The following NKAIN2 variants were observed in gnomAD, a reference collection of about 807,000 sequenced individuals.
The protein encoded by NKAIN2 is sodium/potassium-transporting ATPase subunit beta-1-interacting protein 2.
Under a neutral mutation model 32.6 loss-of-function variants are expected in NKAIN2, and 14 were observed. The observed-to-expected ratio is 0.43, with a 90% CI of 0.28 to 0.67. NKAIN2 has a LOEUF of 0.67. Among genes scored for constraint, NKAIN2 ranks in the 30% least tolerant of loss-of-function variants. The probability of loss-of-function intolerance (pLI) is 0.17; values close to 1 mark genes in which losing one functional copy is unlikely to be tolerated. For synonymous variants in NKAIN2, 80 were observed against 87.2 expected (o/e 0.92, Z 0.46); for missense variants, 198 against 258.3 (o/e 0.77, Z 1.60).
intron 4 of NKAIN2, among the ~76,000 whole-genome samples, chr6:124,720,352 AGTT>A (rs1775954087): frequency 6.6e-6 from 1 of 152,154 alleles, no homozygotes; most frequent in African/African-American, 2.4e-5. Context: ...TTGACAAGTT[AGTT>A]GTTGTTTTTA....
At chr6:124,747,925 T>G (rs1268850607) in intron 4 of NKAIN2, among the ~76,000 whole-genome samples, 1 of 151,962 alleles carries the variant, frequency 6.6e-6, no homozygotes, top group Non-Finnish European at 1.5e-5. Context: ...GCACTTCTTT[T>G]AAATGTTACA....
At chr6:124,180,087 C>A (rs1361186659) in intron 1 of NKAIN2, among the ~76,000 whole-genome samples, 1 of 151,834 alleles carries the variant, frequency 6.6e-6, no homozygotes, top group Admixed American at 6.6e-5. Context: ...GATAGGTAGG[C>A]ATGTAAGCAA....
At chr6:124,624,178 G>A (rs1422232004) in intron 3 of NKAIN2, among the ~76,000 whole-genome samples, 2 of 152,206 alleles carry the variant, frequency 1.3e-5, no homozygotes, top group African/African-American at 4.8e-5. Context: ...TAAGGGATCA[G>A]AAGTAATCAG....
intron 3 of NKAIN2, chr6:124,490,416 T>A: frequency 4.9e-6 from 2 of 410,926 alleles, no homozygotes; most frequent in South Asian, 1.8e-5. Context: ...ATAGAGGTTT[T>A]TTTTTTTTTT....
At chr6:124,262,826 GTA>G (rs955820979) in intron 1 of NKAIN2, among the ~76,000 whole-genome samples, 3 of 152,134 alleles carry the variant, frequency 2.0e-5, no homozygotes, top group Admixed American at 6.6e-5. Flanking sequence ...CTCACATTGT[GTA>G]TTGCTGTGGT....
At chr6:124,409,030 TG>T (rs1463184096) in intron 3 of NKAIN2, among the ~76,000 whole-genome samples, 1 of 152,226 alleles carries the variant, frequency 6.6e-6, no homozygotes, top group African/African-American at 2.4e-5. Flanking sequence ...TTGTGATTTT[TG>T]CACATTCATT....
chr6:124,769,375 C>T (rs1306248308), intron 4 of NKAIN2, among the ~76,000 whole-genome samples: 1 of 152,108 alleles, frequency 6.6e-6, no homozygotes. Flanking sequence ...TTCTCCAGAA[C>T]AGAAGTCACA....
At chr6:124,061,642 G>T (rs1449153313) in intron 1 of NKAIN2, among the ~76,000 whole-genome samples, 1 of 151,848 alleles carries the variant, frequency 6.6e-6, no homozygotes, top group Non-Finnish European at 1.5e-5. Context: ...AATTTTTAAA[G>T]GTGATTTAAA....
At chr6:124,222,195 G>T (rs187262875) in intron 1 of NKAIN2, among the ~76,000 whole-genome samples, 149 of 152,272 alleles carry the variant, frequency 9.8e-4, no homozygotes, top group African/African-American at 3.0e-3. Context: ...ATGTTAAGGG[G>T]TGAATTTCTT....
chr6:124,073,340 C>T (rs1352021857), intron 1 of NKAIN2, among the ~76,000 whole-genome samples: 1 of 152,114 alleles, frequency 6.6e-6, no homozygotes, highest in African/African-American at 2.4e-5. Context: ...TTATACGTGG[C>T]CAAAGTTCAG....
At chr6:124,254,087 G>A (rs1293174403) in intron 1 of NKAIN2, among the ~76,000 whole-genome samples, 1 of 151,690 alleles carries the variant, frequency 6.6e-6, no homozygotes, top group Non-Finnish European at 1.5e-5. Flanking sequence ...AGTACTGTGG[G>A]GATTACAGGC....
chr6:124,487,650 C>G (rs1422131564), intron 3 of NKAIN2, among the ~76,000 whole-genome samples: 1 of 152,112 alleles, frequency 6.6e-6, no homozygotes, highest in African/African-American at 2.4e-5. Context: ...CAAAGGGAAA[C>G]ACTCACATCC....
intron 3 of NKAIN2, among the ~76,000 whole-genome samples, chr6:124,601,605 G>T (rs980283505): frequency 2.6e-5 from 4 of 152,014 alleles, no homozygotes; most frequent in Non-Finnish European, 4.4e-5. Flanking sequence ...TGTAGGAAGT[G>T]CATTGTGTCT....
intron 1 of NKAIN2, among the ~76,000 whole-genome samples, chr6:123,894,114 T>G (rs1287859145): frequency 6.8e-6 from 1 of 146,130 alleles, no homozygotes. Context: ...ATTTACATTT[T>G]TAAACCTCTG....
chr6:124,429,817 C>T (rs1039934732), intron 3 of NKAIN2, among the ~76,000 whole-genome samples: 5 of 152,156 alleles, frequency 3.3e-5, no homozygotes, highest in South Asian at 2.1e-4. Context: ...GGTCTTTTCA[C>T]GTCCCTGGGC....
At chr6:124,477,507 T>C (rs2600452) in intron 3 of NKAIN2, among the ~76,000 whole-genome samples, 151,059 of 152,238 alleles carry the variant, frequency 0.99, 74,955 homozygotes, top group East Asian at 1. Flanking sequence ...GCATATAATC[T>C]GTCTGCCTGG....
chr6:124,220,157 G>T (rs1791738029), intron 1 of NKAIN2, among the ~76,000 whole-genome samples: 1 of 152,106 alleles, frequency 6.6e-6, no homozygotes, highest in Non-Finnish European at 1.5e-5. Flanking sequence ...TCTCATAATA[G>T]TGAGTGAGTT....
At chr6:124,174,706 G>C (rs184485486) in intron 1 of NKAIN2, among the ~76,000 whole-genome samples, 16 of 152,170 alleles carry the variant, frequency 1.1e-4, no homozygotes, top group Admixed American at 2.0e-4. Flanking sequence ...CTAAAAGAAG[G>C]CACCACTTCT....
intron 3 of NKAIN2, among the ~76,000 whole-genome samples, chr6:124,640,595 A>G (rs1314147526): frequency 2.0e-5 from 3 of 152,206 alleles, no homozygotes; most frequent in Non-Finnish European, 4.4e-5. Flanking sequence ...TGGAAACTAT[A>G]AAGTCAGTGA....
Sources: allele counts gnomAD v4.1 joint callset (sites outside exome capture counted in the v4.1 genomes callset), GRCh38; gene constraint gnomAD v4.1.1; transcripts MANE v1.5; gene names NCBI Gene and HGNC (gene_info 2026-07-23, HGNC 2026-07-21).